PCDHGC3: variants seen among roughly 807,000 people sequenced by gnomAD.
PCDHGC3 encodes protocadherin gamma-C3.
A neutral mutation model predicts 59.2 loss-of-function variants in PCDHGC3; 26 were observed. That is an observed-to-expected ratio of 0.44 (90% CI 0.32 to 0.61). The LOEUF is 0.61. Among genes scored for constraint, PCDHGC3 ranks in the 20% least tolerant of loss-of-function variants. The pLI is 0.05. For synonymous variants in PCDHGC3, 487 were observed against 519.7 expected, an observed-to-expected ratio of 0.94 and a Z score of 0.86; for missense variants, 1,080 against 1,221.8, an observed-to-expected ratio of 0.88 and a Z score of 1.73.
intron 2 of PCDHGC3, among the ~76,000 whole-genome samples, chr5:141,504,059 T>C (rs1179226175): frequency 6.6e-6 from 1 of 152,184 alleles, no homozygotes; most frequent in Admixed American, 6.6e-5. Flanking sequence ...ATTGAAAAAC[T>C]TCTCTGAGCC....
In PCDHGC3 at chr5:141,476,702, C is replaced by A. The variant is rs751321222; in HGVS notation, c.586C>A (p.Leu196Met). 1.4e-5 allele frequency: 23 copies of A among 1,614,104 alleles called. No individual in the cohort carries two copies. Among genetic ancestry groups the A allele is most frequent in the Non-Finnish European group, 1.7e-5 (20 of 1,180,050 alleles). ...GGAGGACAGCACCAAGTACGCGGAG[C>A]TGGTGTTGGAGCGCGCCCTGGACCG... is the stretch of plus-strand genomic sequence containing the variant. ...TREDSTKYAE[L>M]VLERALDRER... Residue 196 changes from leucine (L) to methionine (M), a missense_variant, in exon 1 of 4, where the codon CTG (leucine) becomes ATG (methionine). By Grantham distance (15) the Leu-to-Met change is conservative (BLOSUM62 2). Coordinates refer to ENST00000308177, the MANE Select transcript of PCDHGC3 (RefSeq NM_002588.4). The surrounding 1 kb of genome is among the most constrained non-coding windows in gnomAD (Gnocchi z 7.6).
In PCDHGC3 at chr5:141,476,352, T is replaced by C. The variant is rs2099389565; in HGVS notation, c.236T>C (p.Val79Ala). The C allele has an allele frequency of 1.2e-6, 2 of 1,613,826 alleles. No individual in the cohort carries two copies. Among genetic ancestry groups the C allele is most frequent in the African/African-American group, 1.3e-5 (1 of 74,852 alleles). Residue 79 changes from valine to alanine, a missense_variant, in exon 1 of 4, where the codon GTG becomes GCG. Physicochemically the swap from Val to Ala is moderately conservative, Grantham distance 64. Transcript: ENST00000308177. The surrounding 1 kb of genome is among the most constrained non-coding windows in gnomAD (Gnocchi z 7.6). ...VSGASRRFFE[V>A]NRETGEMFVN... ...GGAGCTAGCCGAAGATTCTTTGAGG[T>C]GAACCGGGAGACCGGAGAGATGTTT...
intron 1 of PCDHGC3, among the ~76,000 whole-genome samples, chr5:141,483,014 G>A (rs1401419953): frequency 1.3e-5 from 2 of 152,184 alleles, no homozygotes; most frequent in Non-Finnish European, 2.9e-5. Context: ...GAACCCGGGA[G>A]GCAGAGGTTG....
chr5:141,505,210 A>G (rs899138393), intron 2 of PCDHGC3, among the ~76,000 whole-genome samples, 183 bp from the exon 3 acceptor site: 3 of 152,192 alleles, frequency 2.0e-5, no homozygotes, highest in African/African-American at 7.2e-5. Flanking sequence ...GGTTTGAGGG[A>G]CTGACTTGTG....
At position 141,493,412 on chromosome 5, in the gene PCDHGC3, G is replaced by A. The variant is rs1288041038; in HGVS notation, c.2431-1395G>A. Among the ~76,000 whole-genome samples, 3 of 152,114 alleles carry A rather than the reference G, an allele frequency of 2.0e-5. No individual in the cohort carries two copies. The highest frequency in any genetic ancestry group is 4.4e-5 in the Non-Finnish European group (3 of 68,024). On this transcript the variant is annotated intron_variant, in intron 1 of 3. Coordinates refer to ENST00000308177, the MANE Select transcript of PCDHGC3 (RefSeq NM_002588.4). This position sits in a 1 kb window ranked among gnomAD's most constrained non-coding sequence, Gnocchi z 4.3. ...CAGGAGAGGGGAGTTGCCTCTGCTG[G>A]GATTTTGCTTCTGCTGGGATGGGGC...
In PCDHGC3 at chr5:141,477,292, A is replaced by G; in HGVS notation, c.1176A>G (p.Pro392=). The G allele has an allele frequency of 1.2e-6, 2 of 1,614,114 alleles. No individual in the cohort carries two copies. The highest frequency in any genetic ancestry group is 4.5e-5 in the East Asian group (2 of 44,862). The change falls in exon 1 of 4, where the codon CCA becomes CCG. Residue 392 remains proline (P), a synonymous_variant. Transcript: ENST00000308177. The surrounding 1 kb of genome is among the most constrained non-coding windows in gnomAD (Gnocchi z 4.9). ...GENGLVTCEV[P]PGLPFSLTSS... ...ACGGGCTGGTGACCTGCGAAGTTCCACCGGGTCTCCCTTTCAGCCTTACTT... is the reference window on the plus strand; with the variant it reads ...ACGGGCTGGTGACCTGCGAAGTTCCGCCGGGTCTCCCTTTCAGCCTTACTT...
chr5:141,478,153 T>G lies in PCDHGC3; in HGVS notation c.2037T>G (p.Ser679=), dbSNP rs1477175391. ...CTGAAGCCCGAGCCGAGTTCCCCTC[T>G]GGCTCTGCCCCCCGGGAGCAGAAAA... ...DSPEARAEFP[S]GSAPREQKKN... is the part of the protein sequence containing the mutation. The change falls in exon 1 of 4, where the codon TCT becomes TCG. Residue 679 remains serine, a synonymous_variant. Coordinates refer to ENST00000308177, the MANE Select transcript of PCDHGC3 (RefSeq NM_002588.4). 5 of 1,613,934 alleles carry G rather than the reference T, an allele frequency of 3.1e-6. No individual in the cohort carries two copies. The highest frequency in any genetic ancestry group is 1.6e-4 in the Middle Eastern group (1 of 6,084).
rs2099702455 is a variant in PCDHGC3, at chr5:141,490,641, G to C, written c.2431-4166G>C. 6.2e-7 allele frequency: 1 copy of C among 1,614,042 alleles called. No homozygotes were observed. Among genetic ancestry groups the C allele is most frequent in the Admixed American group, 1.7e-5 (1 of 60,004 alleles). On this transcript the variant is annotated intron_variant, in intron 1 of 3. Coordinates refer to ENST00000308177, the MANE Select transcript of PCDHGC3 (RefSeq NM_002588.4). The surrounding 1 kb of genome is among the most constrained non-coding windows in gnomAD (Gnocchi z 5.4). ...ACACTGCTTACATCCTAGAAAACCG[G>C]CCTCCGGGCTCCCTTCTTTGCACTG...
At position 141,490,857 on chromosome 5, in the gene PCDHGC3, C is replaced by G; in HGVS notation, c.2431-3950C>G. 6.2e-7 allele frequency: 1 copy of G among 1,613,832 alleles called. No homozygotes were observed. Among genetic ancestry groups the G allele is most frequent in the Admixed American group, 1.7e-5 (1 of 60,012 alleles). On this transcript the variant is annotated intron_variant, in intron 1 of 3. Coordinates refer to ENST00000308177, the MANE Select transcript of PCDHGC3 (RefSeq NM_002588.4). The surrounding 1 kb of genome is among the most constrained non-coding windows in gnomAD (Gnocchi z 5.4). ...AGATTGTGGTGGGGGTTCGAGACTCCGGCTCTCCCCCATTGCATGCCAACA... is the reference window on the plus strand; with the variant it reads ...AGATTGTGGTGGGGGTTCGAGACTCGGGCTCTCCCCCATTGCATGCCAACA...
In PCDHGC3 at chr5:141,476,650, A is replaced by G. The variant is rs2099395609; in HGVS notation, c.534A>G (p.Glu178=). 6.2e-7 allele frequency: 1 copy of G among 1,614,126 alleles called. No individual in the cohort carries two copies. The highest frequency in any genetic ancestry group is 1.3e-5 in the African/African-American group (1 of 74,952). Residue 178 remains glutamate, a synonymous_variant, in exon 1 of 4, where the codon GAA becomes GAG. Transcript: ENST00000308177. This position sits in a 1 kb window ranked among gnomAD's most constrained non-coding sequence, Gnocchi z 7.6. ...SLQTYELSRN[E]YFALRVQTRE... Reference sequence around the variant, plus strand: ...AAACCTATGAGCTGAGCCGAAATGAATACTTTGCGCTTCGCGTGCAGACGC... The same window carrying G: ...AAACCTATGAGCTGAGCCGAAATGAGTACTTTGCGCTTCGCGTGCAGACGC...
chr5:141,499,725 C>T (rs554409998), intron 2 of PCDHGC3, among the ~76,000 whole-genome samples: 3 of 138,474 alleles, frequency 2.2e-5, no homozygotes, highest in African/African-American at 5.4e-5. Context: ...GACAGAGTCT[C>T]ACTCTCTTGC....
rs780685517 is a variant in PCDHGC3 at position 141,489,548 on chromosome 5, T to C, written c.2431-5259T>C. 6.2e-7 allele frequency: 1 copy of C among 1,614,136 alleles called. No individual in the cohort carries two copies. Among genetic ancestry groups the C allele is most frequent in the South Asian group, 1.1e-5 (1 of 91,086 alleles). On this transcript the variant is annotated intron_variant, in intron 1 of 3. Coordinates refer to ENST00000308177, the MANE Select transcript of PCDHGC3 (RefSeq NM_002588.4). This position sits in a 1 kb window ranked among gnomAD's most constrained non-coding sequence, Gnocchi z 4.5. ...CTATGTGGAGCCAGCACCAGCTGCCTGCTGCCAGTGCAGGTGGTGACTGAA... is the reference window on the plus strand; with the variant it reads ...CTATGTGGAGCCAGCACCAGCTGCCCGCTGCCAGTGCAGGTGGTGACTGAA...
chr5:141,490,454 C>T lies in PCDHGC3; in HGVS notation c.2431-4353C>T. The T allele has an allele frequency of 3.1e-6, 5 of 1,614,176 alleles. No homozygotes were observed. The highest frequency in any genetic ancestry group is 4.2e-6 in the Non-Finnish European group (5 of 1,180,020). On this transcript the variant is annotated intron_variant, in intron 1 of 3. Transcript: ENST00000308177. The surrounding 1 kb of genome is among the most constrained non-coding windows in gnomAD (Gnocchi z 5.4). The stretch of plus-strand genomic sequence containing the variant: ...ATTAAGCCTTCTGAGAACCACTACT[C>T]GCTGCTAACCAGCCAGCCTTTGGAC...
intron 3 of PCDHGC3, among the ~76,000 whole-genome samples, chr5:141,506,441 T>C (rs1940889203): frequency 9.8e-6 from 1 of 101,930 alleles, no homozygotes; most frequent in South Asian, 3.0e-4. Flanking sequence ...TCTCGCTCTG[T>C]CTCAAAAAAA....
At position 141,493,904 on chromosome 5, in the gene PCDHGC3, G is replaced by A. The variant is rs1204744465; in HGVS notation, c.2431-903G>A. Among the ~76,000 whole-genome samples, 1 of 152,216 alleles carries A rather than the reference G, an allele frequency of 6.6e-6. No individual in the cohort carries two copies. Among genetic ancestry groups the A allele is most frequent in the Non-Finnish European group, 1.5e-5 (1 of 68,028 alleles). On this transcript the variant is annotated intron_variant, in intron 1 of 3. Transcript: ENST00000308177. The surrounding 1 kb of genome is among the most constrained non-coding windows in gnomAD (Gnocchi z 4.3). ...GGCTCTAGGAGTGCTCCATGAGAGT[G>A]TGTGATGGGATAACACACCCCCTGG...
In PCDHGC3 at chr5:141,512,845, A is replaced by G. The variant is rs1166488780; in HGVS notation, c.*1672A>G. On this transcript the variant is annotated 3_prime_UTR_variant, in exon 4 of 4. Coordinates refer to ENST00000308177, the MANE Select transcript of PCDHGC3 (RefSeq NM_002588.4). ...CTCCCCCGTACTGACTTCTCCTATA[A>G]GCGCTTCTCTTCGCATAGTCACGTA... The G allele has an allele frequency of 6.6e-6, 1 of 152,156 alleles. No individual in the cohort carries two copies. Among genetic ancestry groups the G allele is most frequent in the African/African-American group, 2.4e-5 (1 of 41,380 alleles). 9.4% of individuals were successfully genotyped at this position (152,156 alleles called of 1,614,324 possible).
intron 1 of PCDHGC3, among the ~76,000 whole-genome samples, chr5:141,481,994 A>AG (rs2099550091): frequency 1.3e-5 from 2 of 151,258 alleles, no homozygotes; most frequent in African/African-American, 4.9e-5. Context: ...TTGAAGCAGG[A>AG]GAATCGCTTT....
At chr5:141,504,545 TGTTGGGGG>T in intron 2 of PCDHGC3, among the ~76,000 whole-genome samples, 1 of 151,524 alleles carries the variant, frequency 6.6e-6, no homozygotes, top group South Asian at 2.1e-4. Flanking sequence ...TCATGGCAAA[TGTTGGGGG>T]ACTGGCATTC....
Position 141,475,971 on chromosome 5 carries a change from C to G in PCDHGC3, c.-146C>G, listed in dbSNP as rs750016455. On this transcript the variant is annotated 5_prime_UTR_variant, in exon 1 of 4. Coordinates refer to ENST00000308177, the MANE Select transcript of PCDHGC3 (RefSeq NM_002588.4). The stretch of plus-strand genomic sequence containing the variant: ...TCTGCGCCCCGGGATGAGGCAGAGA[C>G]TGAACAGCCGGCGAGCAAATCAACG... 2.5e-5 allele frequency: 24 copies of G among 954,292 alleles called. No individual in the cohort carries two copies. In the African/African-American group the frequency reaches 3.4e-4, roughly 14 times the overall value. 59.1% of individuals were successfully genotyped at this position (954,292 alleles called of 1,614,324 possible). A position where few individuals can be genotyped will look rare whatever the true frequency, so the allele number is the denominator to read the frequency against.
Sources: allele counts gnomAD v4.1 joint callset (sites outside exome capture counted in the v4.1 genomes callset), GRCh38; gene constraint gnomAD v4.1.1; non-coding constraint Gnocchi (gnomAD v3.1); transcripts MANE v1.5; gene names NCBI Gene and HGNC (gene_info 2026-07-23, HGNC 2026-07-21).